PPP1R14B: variants seen among roughly 807,000 people sequenced by gnomAD.
PPP1R14B encodes the protein protein phosphatase 1 regulatory subunit 14B.
A neutral mutation model predicts 14.7 loss-of-function variants in PPP1R14B; 4 were observed. The ratio of observed to expected loss-of-function variants is 0.27; its 90% CI spans 0.13 to 0.62. The LOEUF (loss-of-function observed/expected upper bound fraction) is 0.62. Ranked by LOEUF, PPP1R14B falls within the 20% of genes least tolerant of loss-of-function variation. The pLI is 0.85. For missense variants in PPP1R14B, 138 were observed against 201.5 expected, an observed-to-expected ratio of 0.68 and a Z score of 1.91; for synonymous variants, 76 against 87.3, an observed-to-expected ratio of 0.87 and a Z score of 0.72.
At chr11:64,245,365 G>T (rs776986017) in intron 1 of PPP1R14B, 78 bp from the exon 2 acceptor site, 5 of 1,251,494 alleles carry the variant, frequency 4.0e-6, no homozygotes, top group East Asian at 2.4e-5. Flanking sequence ...CTGGGTTGAG[G>T]CCCCTGCCTA....
At chr11:64,245,482 G>A in intron 1 of PPP1R14B, 195 bp from the exon 2 acceptor site, 1 of 490,300 alleles carries the variant, frequency 2.0e-6, no homozygotes, top group Non-Finnish European at 3.6e-6. Flanking sequence ...CGGGGTGGGG[G>A]GGGGAGCTTC....
Position 64,246,778 on chromosome 11 carries a change from G to A in PPP1R14B, c.-105C>T, listed in dbSNP as rs2030896760. On this transcript the variant is annotated 5_prime_UTR_variant, in exon 1 of 4. Coordinates refer to ENST00000309318, the MANE Select transcript of PPP1R14B (RefSeq NM_138689.3). ...TTAGCTCGCCGGCTCCGCTCCGCGC[G>A]GCTCCGCGGCGAGGGCGGCGGCGGG... 9 of 953,240 alleles carry A rather than the reference G, an allele frequency of 9.4e-6. No homozygotes were observed. The highest frequency in any genetic ancestry group is 8.7e-6 in the Non-Finnish European group (7 of 802,708). 59.0% of individuals were successfully genotyped at this position (953,240 alleles called of 1,614,324 possible). A position where few individuals can be genotyped will look rare whatever the true frequency, so the allele number is the denominator to read the frequency against.
Position 64,246,589 on chromosome 11 carries a change from A to G in PPP1R14B, c.85T>C (p.Tyr29His). 1 of 1,595,948 alleles carries G rather than the reference A, an allele frequency of 6.3e-7. No individual in the cohort carries two copies. The highest frequency in any genetic ancestry group is 8.5e-7 in the Non-Finnish European group (1 of 1,173,124). ...PGSGGPGPRV[Y>H]FQSPPGAAGE... is the part of the protein sequence containing the mutation. Reference sequence around the variant, plus strand: ...GCGGCCCCGGGGGGGCTCTGAAAGTAGACGCGTGGTCCTGGGCCGCCACTG... The same window carrying G: ...GCGGCCCCGGGGGGGCTCTGAAAGTGGACGCGTGGTCCTGGGCCGCCACTG... Residue 29 changes from tyrosine (Y) to histidine (H), a missense_variant, in exon 1 of 4, where the codon TAC becomes CAC. Transcript: ENST00000309318.
intron 2 of PPP1R14B, 47 bp downstream of exon 2, chr11:64,245,157 T>G (rs1295918327): frequency 6.3e-7 from 1 of 1,592,408 alleles, no homozygotes; most frequent in African/African-American, 1.3e-5. Context: ...AGCCTCACTT[T>G]CCCGGGGCAG....
In PPP1R14B at chr11:64,246,731, G is replaced by A. The variant is rs1364254583; in HGVS notation, c.-58C>T. 18 of 997,768 alleles carry A rather than the reference G, an allele frequency of 1.8e-5. No homozygotes were observed. Among genetic ancestry groups the A allele is most frequent in the Non-Finnish European group, 2.1e-5 (18 of 839,932 alleles). The allele number at this position is 997,768 out of a possible 1,614,324, so 61.8% of individuals were successfully genotyped here. ...CCCCTCCCTGCGCCACCGCCTCCGGGACGCCCGCCGGCTGGCTCGGGTTAG... is the reference window on the plus strand; with the variant it reads ...CCCCTCCCTGCGCCACCGCCTCCGGAACGCCCGCCGGCTGGCTCGGGTTAG... On this transcript the variant is annotated 5_prime_UTR_variant, in exon 1 of 4. Transcript: ENST00000309318.
Position 64,245,298 on chromosome 11 carries a change from G to A in PPP1R14B, c.259-11C>T. ...TGGGATCTCCTCTTCCTGGGGTGGG[G>A]GTGGGGGAGGAGGGAGAGACATAAG... is the stretch of plus-strand genomic sequence containing the variant. On this transcript the variant is annotated splice_polypyrimidine_tract_variant and intron_variant, in intron 1 of 3. Transcript: ENST00000309318. 1.2e-6 allele frequency: 2 copies of A among 1,600,816 alleles called. No homozygotes were observed. The highest frequency in any genetic ancestry group is 1.7e-6 in the Non-Finnish European group (2 of 1,168,288).
chr11:64,245,502 C>T (rs1392336112), intron 1 of PPP1R14B: 2 of 502,582 alleles, frequency 4.0e-6, no homozygotes, highest in African/African-American at 4.0e-5. Context: ...CCTGTCCCTG[C>T]CAGTGGGCAC....
chr11:64,244,707 G>C lies in PPP1R14B; in HGVS notation c.*47C>G, dbSNP rs766713198. 1.9e-6 allele frequency: 3 copies of C among 1,606,184 alleles called. No individual in the cohort carries two copies. In the Admixed American group the frequency reaches 5.0e-5, roughly 27 times the overall value. On this transcript the variant is annotated 3_prime_UTR_variant, in exon 4 of 4. Coordinates refer to ENST00000309318, the MANE Select transcript of PPP1R14B (RefSeq NM_138689.3). ...ATTGCTGTTGCTACGAGGTTGGGGG[G>C]CAGCGATTGTCCTGTGGGAGCCACC...
rs551105927 is a variant in PPP1R14B, at chr11:64,246,322, C to G, written c.258+94G>C. 55 of 1,508,234 alleles carry G rather than the reference C, an allele frequency of 3.6e-5. 1 individual carries two copies. In the East Asian group the frequency reaches 1.3e-3, roughly 37 times the overall value. The allele number at this position is 1,508,234 out of a possible 1,614,324, so 93.4% of individuals were successfully genotyped here. On this transcript the variant is annotated intron_variant, in intron 1 of 3. Transcript: ENST00000309318. ...GGAGCGCGCGGGGAAGCAAAGCGCCCTTTGACTCCAGTGACAGGCGAGCTC... is the reference window on the plus strand; with the variant it reads ...GGAGCGCGCGGGGAAGCAAAGCGCCGTTTGACTCCAGTGACAGGCGAGCTC...
At chr11:64,246,262 G>C (rs531032667) in intron 1 of PPP1R14B, 154 bp downstream of exon 1, 314 of 1,019,428 alleles carry the variant, frequency 3.1e-4, no homozygotes, top group Non-Finnish European at 4.0e-4. Context: ...AGGCAAGAAA[G>C]AGTATATATT....
rs544229737 is a variant in PPP1R14B at position 64,246,411 on chromosome 11, C to G, written c.258+5G>C. 6.2e-7 allele frequency: 1 copy of G among 1,606,128 alleles called. No individual in the cohort carries two copies. The highest frequency in any genetic ancestry group is 8.5e-7 in the Non-Finnish European group (1 of 1,177,274). On this transcript the variant is annotated splice_donor_5th_base_variant and intron_variant, in intron 1 of 3. Transcript: ENST00000309318. ...TTGGGGTGTCGGCGCGGGGTGGGAA[C>G]ACACCTGGCAGTCGTAGAGGCGCGT...
At chr11:64,246,367 G>A in intron 1 of PPP1R14B, 49 bp downstream of exon 1, 1 of 1,565,620 alleles carries the variant, frequency 6.4e-7, no homozygotes, top group Non-Finnish European at 8.6e-7. Context: ...CTGCCAGGCG[G>A]ACCGGCGCGA....
At chr11:64,246,374 G>A in intron 1 of PPP1R14B, 42 bp downstream of exon 1, 1 of 1,575,364 alleles carries the variant, frequency 6.3e-7, no homozygotes, top group Non-Finnish European at 8.6e-7. Flanking sequence ...GCGGACCGGC[G>A]CGAGACCGAT....
rs2030896835 is a variant in PPP1R14B, at chr11:64,246,783, C to T, written c.-110G>A. ...TCGCCGGCTCCGCTCCGCGCGGCTC[C>T]GCGGCGAGGGCGGCGGCGGGGGCGC... On this transcript the variant is annotated 5_prime_UTR_variant, in exon 1 of 4. Transcript: ENST00000309318. 2.9e-5 allele frequency: 27 copies of T among 943,916 alleles called. No individual in the cohort carries two copies. The highest frequency in any genetic ancestry group is 3.4e-5 in the Non-Finnish European group (27 of 794,406). 58.5% of individuals were successfully genotyped at this position (943,916 alleles called of 1,614,324 possible).
At chr11:64,245,461 A>T in intron 1 of PPP1R14B, 174 bp from the exon 2 acceptor site, 1 of 350,140 alleles carries the variant, frequency 2.9e-6, no homozygotes, top group Non-Finnish European at 4.9e-6. Context: ...GCCAAGGCAA[A>T]CTGCCCAAAG....
In PPP1R14B at chr11:64,246,720, A is replaced by G. The variant is rs1024196349; in HGVS notation, c.-47T>C. Reference sequence around the variant, plus strand: ...CGAGCGTCGGGCCCCTCCCTGCGCCACCGCCTCCGGGACGCCCGCCGGCTG... The same window carrying G: ...CGAGCGTCGGGCCCCTCCCTGCGCCGCCGCCTCCGGGACGCCCGCCGGCTG... On this transcript the variant is annotated 5_prime_UTR_variant, in exon 1 of 4. Coordinates refer to ENST00000309318, the MANE Select transcript of PPP1R14B (RefSeq NM_138689.3). 70 of 1,009,886 alleles carry G rather than the reference A, an allele frequency of 6.9e-5. No homozygotes were observed. Among genetic ancestry groups the G allele is most frequent in the Non-Finnish European group, 7.9e-5 (67 of 848,198 alleles). 62.6% of individuals were successfully genotyped at this position (1,009,886 alleles called of 1,614,324 possible).
At chr11:64,246,268 A>C in intron 1 of PPP1R14B, 148 bp downstream of exon 1, 2 of 1,055,894 alleles carry the variant, frequency 1.9e-6, no homozygotes, top group South Asian at 1.6e-5. Context: ...GAAAGAGTAT[A>C]TATTGGGGGC....
rs1591090268 is a variant in PPP1R14B, at chr11:64,245,225, A to G, written c.321T>C (p.Asp107=). 2.0e-5 allele frequency: 32 copies of G among 1,612,984 alleles called. No homozygotes were observed. Among genetic ancestry groups the G allele is most frequent in the Non-Finnish European group, 2.7e-5 (32 of 1,179,508 alleles). The change falls in exon 2 of 4, where the codon GAT becomes GAC. Residue 107 remains aspartate, a synonymous_variant. Coordinates refer to ENST00000309318, the MANE Select transcript of PPP1R14B (RefSeq NM_138689.3). ...TCACCTTGACCCTGGCAGCCCGGGCATCGTCACTCTCCATGTCCAGGAGCT... is the reference window on the plus strand; with the variant it reads ...TCACCTTGACCCTGGCAGCCCGGGCGTCGTCACTCTCCATGTCCAGGAGCT... ...VDELLDMESD[D]ARAARVKELL...
Position 64,246,522 on chromosome 11 carries a change from C to T in PPP1R14B, c.152G>A (p.Arg51Lys), listed in dbSNP as rs760129893. ...PGGADDEGPV[R>K]RQGKVTVKYD... ...CTTGACGGTGACCTTCCCTTGGCGC[C>T]TCACTGGGCCCTCATCGTCCGCCCC... Residue 51 changes from arginine to lysine, a missense_variant, in exon 1 of 4, where the codon AGG becomes AAG. Physicochemically the swap from Arg to Lys is conservative, Grantham distance 26. Around this residue, in one of 3 missense-constraint regions of PPP1R14B, gnomAD observed 84 missense variants for 137.5 expected, o/e 0.61. Transcript: ENST00000309318. The T allele has an allele frequency of 1.9e-6, 3 of 1,609,924 alleles. No individual in the cohort carries two copies. The highest frequency in any genetic ancestry group is 8.5e-7 in the Non-Finnish European group (1 of 1,179,234).
Sources: allele counts gnomAD v4.1 joint callset, GRCh38; gene constraint gnomAD v4.1.1; regional missense constraint gnomAD v4.1.1; transcripts MANE v1.5; gene names NCBI Gene and HGNC (gene_info 2026-07-23, HGNC 2026-07-21).